NELL1: variants seen among roughly 807,000 people sequenced by gnomAD.
NELL1 encodes neural EGFL like 1, also known as protein kinase C-binding protein NELL1.
A neutral mutation model predicts 107.4 loss-of-function variants in NELL1; 76 were observed. The observed-to-expected ratio is 0.71, with a 90% CI of 0.59 to 0.86. NELL1 has a LOEUF of 0.86. Among genes scored for constraint, NELL1 ranks in the 40% least tolerant of loss-of-function variants. The probability of loss-of-function intolerance (pLI) is 0.00; values close to 1 mark genes in which losing one functional copy is unlikely to be tolerated. For synonymous variants in NELL1, 353 were observed against 341.2 expected, an observed-to-expected ratio of 1.03 and a Z score of -0.38; for missense variants, 1,024 against 1,005.5, an observed-to-expected ratio of 1.02 and a Z score of -0.25.
At chr11:20,989,921 C>T (rs1007851594) in intron 12 of NELL1, among the ~76,000 whole-genome samples, 21 of 150,396 alleles carry the variant, frequency 1.4e-4, no homozygotes, top group South Asian at 4.2e-4. Context: ...GGCATGAACC[C>T]GGGAGGCAGA....
intron 14 of NELL1, among the ~76,000 whole-genome samples, chr11:21,338,895 TTG>T (rs1318738865): frequency 6.6e-6 from 1 of 152,168 alleles, no homozygotes. Flanking sequence ...CCAGAAACAT[TTG>T]TGTGTATTTG....
intron 12 of NELL1, among the ~76,000 whole-genome samples, chr11:21,052,802 A>G (rs139083812): frequency 6.6e-6 from 1 of 152,220 alleles, no homozygotes; most frequent in Non-Finnish European, 1.5e-5. Context: ...GACAGGTACA[A>G]GCTTGGCCTG....
At position 21,378,287 on chromosome 11, in the gene NELL1, T is replaced by A. The variant is rs201836958; in HGVS notation, c.1645+7339T>A. Among the ~76,000 whole-genome samples, 45 of 121,728 alleles carry A rather than the reference T, an allele frequency of 3.7e-4. 1 individual carries two copies. Among genetic ancestry groups the A allele is most frequent in the South Asian group, 6.0e-4 (2 of 3,324 alleles). The allele number at this position is 121,728 out of a possible 152,430, so 79.9% of individuals were successfully genotyped here. A position where few individuals can be genotyped will look rare whatever the true frequency, so the allele number is the denominator to read the frequency against. On this transcript the variant is annotated intron_variant, in intron 15 of 19. Coordinates refer to ENST00000357134, the MANE Select transcript of NELL1 (RefSeq NM_006157.5). ...TATGTATATATATATATATATATAT[T>A]ATAGATAATCATGTCTCAGTGTTAT...
At chr11:21,242,077 A>C (rs1858377017) in intron 14 of NELL1, among the ~76,000 whole-genome samples, 1 of 151,844 alleles carries the variant, frequency 6.6e-6, no homozygotes, top group Non-Finnish European at 1.5e-5. Context: ...TCTCACTCTC[A>C]GCTCCTAAGT....
intron 15 of NELL1, among the ~76,000 whole-genome samples, chr11:21,480,037 C>T (rs928534598): frequency 2.0e-5 from 3 of 152,068 alleles, no homozygotes; most frequent in Admixed American, 2.0e-4. Flanking sequence ...TTCTCTTGCT[C>T]AGAAGTAAAC....
At chr11:20,858,630 C>T (rs1036018473) in intron 4 of NELL1, among the ~76,000 whole-genome samples, 1 of 152,184 alleles carries the variant, frequency 6.6e-6, no homozygotes, top group Non-Finnish European at 1.5e-5. Flanking sequence ...GTTGCCTGCT[C>T]CAACACCCCT....
In NELL1 at chr11:21,333,429, T is replaced by A. The variant is rs115506577; in HGVS notation, c.1550-37424T>A. 6.5e-3 allele frequency among the ~76,000 whole-genome samples: 986 copies of A among 152,182 alleles called. 11 individuals carry two copies. The highest frequency in any genetic ancestry group is 0.022 in the African/African-American group (912 of 41,568). ...GATTATAGAAATAGAAATAGAAAGA[T>A]TAAAAGATGAAGATGCAGTTTGAGT... On this transcript the variant is annotated intron_variant, in intron 14 of 19. Transcript: ENST00000357134.
intron 13 of NELL1, among the ~76,000 whole-genome samples, chr11:21,169,553 G>T (rs1323792783): frequency 6.6e-6 from 1 of 152,042 alleles, no homozygotes; most frequent in East Asian, 1.9e-4. Context: ...TAAAATATAA[G>T]ATTTGATTTG....
intron 12 of NELL1, among the ~76,000 whole-genome samples, chr11:21,095,988 A>G (rs536500076): frequency 2.0e-5 from 3 of 151,110 alleles, no homozygotes; most frequent in Admixed American, 1.3e-4. Flanking sequence ...ATCAGATCTC[A>G]TAAGACTTAT....
chr11:20,964,319 C>A (rs1349183356), intron 12 of NELL1, among the ~76,000 whole-genome samples: 1 of 152,104 alleles, frequency 6.6e-6, no homozygotes, highest in Non-Finnish European at 1.5e-5. Flanking sequence ...GTCTCATAAA[C>A]TTTTTCTTTC....
intron 12 of NELL1, among the ~76,000 whole-genome samples, chr11:21,107,378 C>T (rs577952044): frequency 1.3e-5 from 2 of 152,060 alleles, no homozygotes; most frequent in Admixed American, 1.3e-4. Context: ...TCTAATATAC[C>T]AACCAGTTAG....
At chr11:21,503,341 T>G (rs1855195352) in intron 15 of NELL1, among the ~76,000 whole-genome samples, 1 of 152,190 alleles carries the variant, frequency 6.6e-6, no homozygotes, top group African/African-American at 2.4e-5. Flanking sequence ...TATCAACCAG[T>G]CCAGTTGTAA....
At chr11:21,440,653 G>A (rs980145006) in intron 15 of NELL1, among the ~76,000 whole-genome samples, 2 of 151,672 alleles carry the variant, frequency 1.3e-5, no homozygotes, top group African/African-American at 4.8e-5. Context: ...GGAAAAAATG[G>A]GTATGAAAAC....
chr11:20,866,599 G>C (rs990343307), intron 4 of NELL1, among the ~76,000 whole-genome samples: 1 of 152,144 alleles, frequency 6.6e-6, no homozygotes, highest in Admixed American at 6.5e-5. Context: ...TTTGTGTCTG[G>C]ATAATCTGAC....
chr11:20,798,514 ACT>A (rs66835969), intron 3 of NELL1, among the ~76,000 whole-genome samples: 84,425 of 151,914 alleles, frequency 0.56, 26,649 homozygotes, highest in East Asian at 0.87. Context: ...ATTTAAAAAA[ACT>A]CTTCTTTGAC....
intron 13 of NELL1, among the ~76,000 whole-genome samples, chr11:21,147,589 T>C (rs558383637): frequency 4.5e-4 from 68 of 152,090 alleles, no homozygotes; most frequent in Middle Eastern, 3.4e-3. Context: ...TCCCAGCATT[T>C]TGGGAGGCCG....
chr11:20,694,319 A>G (rs1266253834), intron 2 of NELL1, among the ~76,000 whole-genome samples: 1 of 152,106 alleles, frequency 6.6e-6, no homozygotes, highest in Non-Finnish European at 1.5e-5. Flanking sequence ...CTTTTGAGGT[A>G]CTAGCCATAA....
chr11:21,214,854 G>A (rs1339932522), intron 13 of NELL1, among the ~76,000 whole-genome samples: 2 of 152,070 alleles, frequency 1.3e-5, no homozygotes, highest in African/African-American at 4.8e-5. Flanking sequence ...GTGGTTTTGT[G>A]AATTTTACAT....
At chr11:21,300,353 G>T (rs905498313) in intron 14 of NELL1, among the ~76,000 whole-genome samples, 2 of 151,956 alleles carry the variant, frequency 1.3e-5, no homozygotes, top group Admixed American at 1.3e-4. Context: ...GTAATGAAAT[G>T]AAAAAGGAAG....
Sources: gnomAD v4.1 joint callset for allele counts (sites outside exome capture counted in the v4.1 genomes callset) on GRCh38, gnomAD v4.1.1 for gene constraint, MANE v1.5 for transcripts, NCBI Gene and HGNC (gene_info 2026-07-23, HGNC 2026-07-21) for gene names.